The following SORCS1 variants were observed in gnomAD, a reference collection of about 807,000 sequenced individuals.
SORCS1 encodes the protein sortilin related VPS10 domain containing receptor 1.
Under a neutral mutation model 146.1 loss-of-function variants are expected in SORCS1, and 60 were observed. The ratio of observed to expected loss-of-function variants is 0.41; its 90% CI spans 0.33 to 0.51. SORCS1 has a LOEUF of 0.51. Among genes scored for constraint, SORCS1 ranks in the 20% least tolerant of loss-of-function variants. SORCS1 has a pLI of 0.21. For missense variants in SORCS1, 1,352 were observed against 1,487.6 expected (o/e 0.91, Z 1.50); for synonymous variants, 637 against 584.0 (o/e 1.09, Z -1.31).
rs760606135 is a variant in SORCS1, at chr10:106,829,630, C to A, written c.670G>T (p.Val224Phe). Residue 224 changes from valine to phenylalanine, a missense_variant, in exon 3 of 26, where the codon GTT (valine) becomes TTT (phenylalanine). This residue lies in a region of SORCS1 where 490 missense variants were observed against 489.1 expected (regional missense o/e 1.00). Coordinates refer to ENST00000263054, the MANE Select transcript of SORCS1 (RefSeq NM_052918.5). ...GTTYEKLNDK[V>F]GLKTILSYLY... is the part of the protein sequence containing the mutation. ...TAGCTCAAAATGGTTTTCAAACCAA[C>A]TTTATCATTCAGCTTCTCATAGGTT... The A allele has an allele frequency of 1.2e-6, 2 of 1,608,082 alleles. No homozygotes were observed. Among genetic ancestry groups the A allele is most frequent in the East Asian group, 2.2e-5 (1 of 44,656 alleles).
At chr10:106,804,546 C>T (rs1483680490) in intron 3 of SORCS1, among the ~76,000 whole-genome samples, 4 of 151,664 alleles carry the variant, frequency 2.6e-5, no homozygotes, top group Admixed American at 1.3e-4. Flanking sequence ...TAAATATATA[C>T]CAGAACCATT....
At chr10:106,979,138 A>AAGAGGG (rs1956153627) in intron 1 of SORCS1, among the ~76,000 whole-genome samples, 1 of 152,182 alleles carries the variant, frequency 6.6e-6, no homozygotes, top group Admixed American at 6.5e-5. Flanking sequence ...TCCAGGAAAA[A>AAGAGGG]AGAGGGTGAA....
chr10:106,652,741 T>C (rs985327886), intron 17 of SORCS1, among the ~76,000 whole-genome samples, 188 bp from the exon 18 acceptor site: 2 of 152,206 alleles, frequency 1.3e-5, no homozygotes, highest in African/African-American at 4.8e-5. Context: ...TGGTCACACA[T>C]TGTATCTATT....
At chr10:107,126,612 T>A (rs755909826) in intron 1 of SORCS1, among the ~76,000 whole-genome samples, 5 of 152,152 alleles carry the variant, frequency 3.3e-5, no homozygotes, top group African/African-American at 4.8e-5. Flanking sequence ...TAGGAACCTT[T>A]CTCTGCATAT....
chr10:107,008,436 T>C (rs1342023066), intron 1 of SORCS1, among the ~76,000 whole-genome samples: 3 of 152,212 alleles, frequency 2.0e-5, no homozygotes, highest in African/African-American at 7.2e-5. Context: ...ATAATTCAAA[T>C]ACCTTGATTA....
At chr10:107,024,749 T>C (rs906169783) in intron 1 of SORCS1, among the ~76,000 whole-genome samples, 2 of 152,180 alleles carry the variant, frequency 1.3e-5, no homozygotes, top group Non-Finnish European at 2.9e-5. Context: ...TTTGGATTAT[T>C]TTAAAGGAAA....
intron 1 of SORCS1, among the ~76,000 whole-genome samples, chr10:106,986,785 C>T (rs1014882255): frequency 1.3e-5 from 2 of 152,096 alleles, no homozygotes; most frequent in African/African-American, 2.4e-5. Context: ...CATTTTAGAT[C>T]GTATGTTTTC....
rs575662261 is a variant in SORCS1 at position 106,999,503 on chromosome 10, T to C, written c.559-42923A>G. Among the ~76,000 whole-genome samples the C allele has an allele frequency of 4.6e-4, 70 of 152,356 alleles. 1 individual carries two copies. Among genetic ancestry groups the C allele is most frequent in the Admixed American group, 7.8e-4 (12 of 15,308 alleles). Reference sequence around the variant, plus strand: ...TTTGTTTCATTTAAGAAAACGTGCTTAGTCCCTGGCCTTAAATTACACAGA... The same window carrying C: ...TTTGTTTCATTTAAGAAAACGTGCTCAGTCCCTGGCCTTAAATTACACAGA... On this transcript the variant is annotated intron_variant, in intron 1 of 25. Transcript: ENST00000263054.
chr10:106,763,590 C>G (rs1326451682), intron 4 of SORCS1, among the ~76,000 whole-genome samples: 4 of 152,320 alleles, frequency 2.6e-5, no homozygotes, highest in African/African-American at 9.6e-5. Context: ...TTCACTGAGG[C>G]TGCCCACTCT....
chr10:106,897,963 G>A (rs1049849018), intron 2 of SORCS1, among the ~76,000 whole-genome samples: 10 of 152,286 alleles, frequency 6.6e-5, no homozygotes, highest in South Asian at 4.1e-4. Flanking sequence ...CCATTCCTTC[G>A]CTGGGACCCA....
At chr10:107,003,482 A>G (rs573435805) in intron 1 of SORCS1, among the ~76,000 whole-genome samples, 2 of 150,868 alleles carry the variant, frequency 1.3e-5, no homozygotes, top group South Asian at 2.1e-4. Context: ...GTAGTAATCC[A>G]CAGACTCACT....
chr10:106,725,291 T>G (rs1000156366), intron 6 of SORCS1, among the ~76,000 whole-genome samples: 2 of 152,168 alleles, frequency 1.3e-5, no homozygotes, highest in African/African-American at 4.8e-5. Context: ...GGCTCATGTC[T>G]GTAATCACAG....
At chr10:106,957,586 G>C (rs1449631414) in intron 1 of SORCS1, among the ~76,000 whole-genome samples, 1 of 152,100 alleles carries the variant, frequency 6.6e-6, no homozygotes, top group Admixed American at 6.6e-5. Flanking sequence ...CACATTGGCA[G>C]GGCTAAACGA....
rs117240829 is a variant in SORCS1 at position 107,159,440 on chromosome 10, T to C, written c.558+4529A>G. On this transcript the variant is annotated intron_variant, in intron 1 of 25. Transcript: ENST00000263054. ...TATGACTACGTATCTAATTTTTGTA[T>C]ACAGCCAGTATTATAACCCACAATT... 1.2e-3 allele frequency among the ~76,000 whole-genome samples: 190 copies of C among 152,342 alleles called. 2 individuals carry two copies. In the East Asian group the frequency reaches 0.032, roughly 26 times the overall value.
At chr10:106,615,248 A>G (rs1033340529) in intron 21 of SORCS1, among the ~76,000 whole-genome samples, 2 of 152,146 alleles carry the variant, frequency 1.3e-5, no homozygotes, top group South Asian at 2.1e-4. Flanking sequence ...TTCCTTTGAA[A>G]TGTAATCATC....
At chr10:106,964,433 G>A (rs1057159470) in intron 1 of SORCS1, among the ~76,000 whole-genome samples, 5 of 151,946 alleles carry the variant, frequency 3.3e-5, no homozygotes, top group African/African-American at 9.7e-5. Context: ...TGTCCTGGGT[G>A]GATGGGACTA....
chr10:107,102,842 C>G (rs1324001856), intron 1 of SORCS1, among the ~76,000 whole-genome samples: 2 of 152,052 alleles, frequency 1.3e-5, no homozygotes, highest in African/African-American at 2.4e-5. Context: ...ATTTTGTGAA[C>G]AGAAAAATGT....
At chr10:107,068,885 A>AT (rs1554938883) in intron 1 of SORCS1, among the ~76,000 whole-genome samples, 2 of 150,906 alleles carry the variant, frequency 1.3e-5, no homozygotes, top group Non-Finnish European at 3.0e-5. Context: ...AAAAAAAAAA[A>AT]GGAAACCTCA....
Position 106,806,505 on chromosome 10 carries a change from C to CTTTCTTT in SORCS1, c.726+23068_726+23069insAAAGAAA, listed in dbSNP as rs1380725939. Reference sequence around the variant, plus strand: ...CAGCCCTTCTGATGAGAGAGGAAGCCTTTTTTTTTTTTTTTTTTTTTTTTT... The same window carrying CTTTCTTT: ...CAGCCCTTCTGATGAGAGAGGAAGCCTTTCTTTTTTTTTTTTTTTTTTTTTTTTTTTT... On this transcript the variant is annotated intron_variant, in intron 3 of 25. Transcript: ENST00000263054. 9.9e-5 allele frequency among the ~76,000 whole-genome samples: 7 copies of CTTTCTTT among 70,454 alleles called. 2 individuals are homozygous for CTTTCTTT. The highest frequency in any genetic ancestry group is 2.5e-4 in the African/African-American group (4 of 15,762). The allele number at this position is 70,454 out of a possible 152,430, so 46.2% of individuals were successfully genotyped here. A position where few individuals can be genotyped will look rare whatever the true frequency, so the allele number is the denominator to read the frequency against.
Sources: allele counts gnomAD v4.1 joint callset (sites outside exome capture counted in the v4.1 genomes callset), GRCh38; gene constraint gnomAD v4.1.1; regional missense constraint gnomAD v4.1.1; transcripts MANE v1.5; gene names NCBI Gene and HGNC (gene_info 2026-07-23, HGNC 2026-07-21).